Variants in UBE2L3 observed in about 807,000 individuals in gnomAD.
UBE2L3 encodes the protein ubiquitin conjugating enzyme E2 L3.
In UBE2L3, 1 loss-of-function variant was observed where a neutral mutation model predicts 17.8. The ratio of observed to expected loss-of-function variants is 0.06; its 90% CI spans 0.02 to 0.27. The LOEUF (loss-of-function observed/expected upper bound fraction) is 0.27. Ranked by LOEUF, UBE2L3 falls within the 10% of genes least tolerant of loss-of-function variation. The pLI is 1.00. For missense variants in UBE2L3, 40 were observed against 192.6 expected, an observed-to-expected ratio of 0.21 and a Z score of 4.69; for synonymous variants, 44 against 68.5, an observed-to-expected ratio of 0.64 and a Z score of 1.76.
At chr22:21,556,233 A>C (rs1157831132) in intron 1 of UBE2L3, among the ~76,000 whole-genome samples, 1 of 152,210 alleles carries the variant, frequency 6.6e-6, no homozygotes, top group African/African-American at 2.4e-5. Flanking sequence ...CCTGTTTCTA[A>C]AACAAACAAA....
intron 1 of UBE2L3, among the ~76,000 whole-genome samples, chr22:21,576,801 CTTT>C (rs757829734): frequency 1.7e-5 from 2 of 118,134 alleles, no homozygotes; most frequent in Non-Finnish European, 1.7e-5. Flanking sequence ...CTTCTCTTTC[CTTT>C]TTTTTTTTTT....
intron 1 of UBE2L3, among the ~76,000 whole-genome samples, chr22:21,560,481 C>T (rs1420317225): frequency 1.3e-4 from 16 of 123,038 alleles, no homozygotes; most frequent in East Asian, 2.4e-4. Context: ...GATGGAGTCT[C>T]GTTCTATCAT....
chr22:21,593,946 G>A (rs533713701), intron 2 of UBE2L3, among the ~76,000 whole-genome samples: 138 of 152,246 alleles, frequency 9.1e-4, no homozygotes, highest in African/African-American at 3.0e-3. Context: ...CGGCATCATA[G>A]ATGATTATGC....
Position 21,576,337 on chromosome 22 carries a change from G to A in UBE2L3, c.27+8566G>A, listed in dbSNP as rs149833548. 4.0e-3 allele frequency among the ~76,000 whole-genome samples: 594 copies of A among 150,032 alleles called. 4 individuals are homozygous for A. The highest frequency in any genetic ancestry group is 0.013 in the African/African-American group (511 of 40,750). On this transcript the variant is annotated intron_variant, in intron 1 of 3. Transcript: ENST00000342192. ...TTTTGAGATGGAATCTTGCTCTGGC[G>A]CCCATGCTGGAGTGCAGTGGTGCGA...
intron 1 of UBE2L3, among the ~76,000 whole-genome samples, chr22:21,557,053 CA>C (rs1206872020): frequency 1.8e-3 from 262 of 146,948 alleles, no homozygotes; most frequent in Non-Finnish European, 2.7e-3. Flanking sequence ...GAGTCTGAGT[CA>C]AAAAAAAAAG....
At chr22:21,570,977 A>G (rs1035460590) in intron 1 of UBE2L3, among the ~76,000 whole-genome samples, 1 of 152,372 alleles carries the variant, frequency 6.6e-6, no homozygotes, top group Non-Finnish European at 1.5e-5. Flanking sequence ...TGTAAAACAC[A>G]TTATTAAAAG....
At chr22:21,565,384 A>G (rs1329636476), upstream of UBE2L3, among the ~76,000 whole-genome samples, 2 of 151,246 alleles carry the variant, frequency 1.3e-5, no homozygotes, top group Non-Finnish European at 2.9e-5. Context: ...GAACCACCAC[A>G]CCCGGCCCCA....
intron 1 of UBE2L3, among the ~76,000 whole-genome samples, chr22:21,591,298 G>A (rs994501059): frequency 3.9e-4 from 59 of 152,226 alleles, no homozygotes; most frequent in Admixed American, 3.9e-3. Context: ...GCTATAGCCT[G>A]TGAGAAATCC....
At chr22:21,605,364 C>T (rs1017772831) in intron 2 of UBE2L3, among the ~76,000 whole-genome samples, 5 of 152,130 alleles carry the variant, frequency 3.3e-5, no homozygotes, top group African/African-American at 9.6e-5. Context: ...ATTACAGGTG[C>T]GTGCCACCAC....
intron 1 of UBE2L3, among the ~76,000 whole-genome samples, chr22:21,569,160 C>T (rs1926818333): frequency 6.6e-6 from 1 of 151,780 alleles, no homozygotes; most frequent in Non-Finnish European, 1.5e-5. Context: ...TCCTGGGAGG[C>T]CGAGGCGGGC....
intron 1 of UBE2L3, chr22:21,568,227 C>T (rs76717548): frequency 1.0e-6 from 1 of 988,786 alleles, no homozygotes. Context: ...TCCGCTTGGC[C>T]CGGCCGCAGC....
rs569915161 is a variant in UBE2L3, at chr22:21,568,542, A to T, written c.27+771A>T. ...TTCGAATCAAAACGGGCCAAAGTTTATAATAATAATTTGGTACTTTGGATC... is the reference window on the plus strand; with the variant it reads ...TTCGAATCAAAACGGGCCAAAGTTTTTAATAATAATTTGGTACTTTGGATC... On this transcript the variant is annotated intron_variant, in intron 1 of 3. Coordinates refer to ENST00000342192, the MANE Select transcript of UBE2L3 (RefSeq NM_003347.4). Among the ~76,000 whole-genome samples the T allele has an allele frequency of 1.5e-4, 23 of 152,302 alleles. No individual in the cohort carries two copies. In the East Asian group the frequency reaches 4.0e-3, roughly 27 times the overall value.
At chr22:21,587,151 G>A (rs1048540188) in intron 1 of UBE2L3, among the ~76,000 whole-genome samples, 1 of 151,980 alleles carries the variant, frequency 6.6e-6, no homozygotes, top group Non-Finnish European at 1.5e-5. Flanking sequence ...CTCCCAAAAT[G>A]CTGGGATTAC....
Position 21,582,359 on chromosome 22 carries a change from G to GT in UBE2L3, c.28-10490dup, listed in dbSNP as rs767688991. On this transcript the variant is annotated intron_variant, in intron 1 of 3. Transcript: ENST00000342192. ...ATGTGGTGGGTTTTTTTTTGTTGTT[G>GT]TTTTTTTTTTTTGCGATGGAGTCTC... Among the ~76,000 whole-genome samples the GT allele has an allele frequency of 8.1e-3, 1,125 of 138,428 alleles. 5 individuals are homozygous for GT. The highest frequency in any genetic ancestry group is 0.02 in the African/African-American group (751 of 38,178). 90.8% of individuals were successfully genotyped at this position (138,428 alleles called of 152,430 possible).
upstream of UBE2L3, among the ~76,000 whole-genome samples, chr22:21,567,018 A>G (rs1926663135): frequency 6.6e-6 from 1 of 152,110 alleles, no homozygotes. Context: ...AAAGAAAATA[A>G]AGCACTAGAG....
At chr22:21,596,152 C>T (rs1037361913) in intron 2 of UBE2L3, among the ~76,000 whole-genome samples, 16 of 152,190 alleles carry the variant, frequency 1.1e-4, no homozygotes, top group African/African-American at 3.9e-4. Flanking sequence ...GCGTGAGCCA[C>T]CACGCTGGCC....
chr22:21,560,815 A>G (rs1348674382), intron 1 of UBE2L3, among the ~76,000 whole-genome samples: 1 of 150,688 alleles, frequency 6.6e-6, no homozygotes, highest in Non-Finnish European at 1.5e-5. Context: ...CCACTTCCCA[A>G]AGGCACGAGT....
At position 21,592,270 on chromosome 22, in the gene UBE2L3, C is replaced by T. The variant is rs186814371; in HGVS notation, c.28-591C>T. Among the ~76,000 whole-genome samples, 225 of 151,966 alleles carry T rather than the reference C, an allele frequency of 1.5e-3. 1 individual carries two copies. The highest frequency in any genetic ancestry group is 5.1e-3 in the African/African-American group (213 of 41,466). On this transcript the variant is annotated intron_variant, in intron 1 of 3. Transcript: ENST00000342192. ...TGAAGGTTTCCCGTCCCCACCCCCCCACTCCCACCCCAGTCCCAGACTGGA... is the reference window on the plus strand; with the variant it reads ...TGAAGGTTTCCCGTCCCCACCCCCCTACTCCCACCCCAGTCCCAGACTGGA...
intron 1 of UBE2L3, among the ~76,000 whole-genome samples, chr22:21,585,759 G>T (rs146573398): frequency 6.6e-6 from 1 of 152,224 alleles, no homozygotes; most frequent in South Asian, 2.1e-4. Flanking sequence ...AGACATAGAG[G>T]GGGGAAGTCA....
Sources: gnomAD v4.1 joint callset for allele counts (sites outside exome capture counted in the v4.1 genomes callset) on GRCh38, gnomAD v4.1.1 for gene constraint, MANE v1.5 for transcripts, NCBI Gene and HGNC (gene_info 2026-07-23, HGNC 2026-07-21) for gene names.